The following LBH variants were observed in gnomAD, a reference collection of about 807,000 sequenced individuals.
LBH encodes the protein protein LBH.
Under a neutral mutation model 12.5 loss-of-function variants are expected in LBH, and 7 were observed. That is an observed-to-expected ratio of 0.56 (90% CI 0.32 to 1.05). The LOEUF (loss-of-function observed/expected upper bound fraction) is 1.05, where lower values mean the gene tolerates loss of function less well. LBH is among the 50% of genes least tolerant of loss of function. The pLI is 0.04. For synonymous variants in LBH, 51 were observed against 50.1 expected, an observed-to-expected ratio of 1.02 and a Z score of -0.08; for missense variants, 119 against 138.9, an observed-to-expected ratio of 0.86 and a Z score of 0.72.
chr2:30,236,972 T>C (rs910541632), intron 2 of LBH, among the ~76,000 whole-genome samples: 1 of 152,162 alleles, frequency 6.6e-6, no homozygotes, highest in Non-Finnish European at 1.5e-5. Flanking sequence ...GGTCTGACCA[T>C]TGCGGTGTGA....
At chr2:30,257,348 A>G (rs1572385672) in intron 2 of LBH, 85 bp from the exon 3 acceptor site, 2 of 1,472,680 alleles carry the variant, frequency 1.4e-6, no homozygotes, top group South Asian at 1.2e-5. Context: ...TGCACCCAGT[A>G]TGCCACATGG....
chr2:30,249,387 A>C (rs1677933613), intron 2 of LBH, among the ~76,000 whole-genome samples: 1 of 152,178 alleles, frequency 6.6e-6, no homozygotes, highest in African/African-American at 2.4e-5. Context: ...GCCCATTGTT[A>C]TAAGCCAGCC....
chr2:30,249,865 C>G (rs1159039283), intron 2 of LBH, among the ~76,000 whole-genome samples: 1 of 152,204 alleles, frequency 6.6e-6, no homozygotes, highest in Non-Finnish European at 1.5e-5. Flanking sequence ...CCTGCAAGAT[C>G]AGCATTAGCA....
intron 2 of LBH, among the ~76,000 whole-genome samples, chr2:30,250,310 C>T (rs966794103): frequency 6.6e-6 from 1 of 151,908 alleles, no homozygotes; most frequent in East Asian, 1.9e-4. Context: ...CTCTTTCCAC[C>T]TTTGCAAAAA....
At position 30,258,822 on chromosome 2, in the gene LBH, C is replaced by T. The variant is rs1000608327; in HGVS notation, c.*1201C>T. On this transcript the variant is annotated 3_prime_UTR_variant, in exon 3 of 3. Coordinates refer to ENST00000395323, the MANE Select transcript of LBH (RefSeq NM_030915.4). ...GATCGAGTTTGAGACTAAAGGATGTCATGAGATCCCTGGCTTCTCCCCATG... is the reference window on the plus strand; with the variant it reads ...GATCGAGTTTGAGACTAAAGGATGTTATGAGATCCCTGGCTTCTCCCCATG... 1 of 152,174 alleles carries T rather than the reference C, an allele frequency of 6.6e-6. No homozygotes were observed. Among genetic ancestry groups the T allele is most frequent in the Admixed American group, 6.5e-5 (1 of 15,284 alleles). 9.4% of individuals were successfully genotyped at this position (152,174 alleles called of 1,614,324 possible).
chr2:30,248,861 G>A (rs1054715979), intron 2 of LBH, among the ~76,000 whole-genome samples: 3 of 152,332 alleles, frequency 2.0e-5, no homozygotes, highest in African/African-American at 7.2e-5. Context: ...GAAAGATGGT[G>A]TTTATCCAAA....
intron 2 of LBH, among the ~76,000 whole-genome samples, chr2:30,255,311 T>C (rs548279010): frequency 6.6e-6 from 1 of 152,294 alleles, no homozygotes; most frequent in African/African-American, 2.4e-5. Context: ...GCTCGGCACA[T>C]GCACGTCTGG....
At chr2:30,252,287 G>A (rs11127261) in intron 2 of LBH, among the ~76,000 whole-genome samples, 31,039 of 152,156 alleles carry the variant, frequency 0.2, 4,046 homozygotes, top group Middle Eastern at 0.31. Flanking sequence ...TTGTGAAGAA[G>A]GATGTGTTTG....
At position 30,259,772 on chromosome 2, in the gene LBH, C is replaced by G. The variant is rs1678163917; in HGVS notation, c.*2151C>G. ...CAGCGGTGGAGCCTGCTGGGGGGAC[C>G]CAGCTGCTCTTGGACAAGTGGCTGA... On this transcript the variant is annotated 3_prime_UTR_variant, in exon 3 of 3. Transcript: ENST00000395323. The G allele has an allele frequency of 6.6e-6, 1 of 152,276 alleles. No homozygotes were observed. The highest frequency in any genetic ancestry group is 6.5e-5 in the Admixed American group (1 of 15,270). The allele number at this position is 152,276 out of a possible 1,614,324, so 9.4% of individuals were successfully genotyped here.
rs764823444 is a variant in LBH at position 30,257,574 on chromosome 2, G to A, written c.271G>A (p.Glu91Lys). ...PPEEFLVQED[E>K]QDNCEETAKE... The stretch of plus-strand genomic sequence containing the variant: ...TGAGGAGTTCCTGGTCCAGGAGGAT[G>A]AGCAAGATAACTGCGAAGAGACAGC... Residue 91 changes from glutamate to lysine, a missense_variant, in exon 3 of 3, where the codon GAG becomes AAG. Transcript: ENST00000395323. 6.2e-7 allele frequency: 1 copy of A among 1,614,092 alleles called. No homozygotes were observed. Among genetic ancestry groups the A allele is most frequent in the South Asian group, 1.1e-5 (1 of 91,076 alleles).
At chr2:30,248,122 G>A (rs1441390312) in intron 2 of LBH, among the ~76,000 whole-genome samples, 1 of 151,896 alleles carries the variant, frequency 6.6e-6, no homozygotes, top group East Asian at 1.9e-4. Context: ...TGGTTTCATT[G>A]AAAGGCATAT....
chr2:30,231,907 A>T, intron 1 of LBH, 143 bp downstream of exon 1: 1 of 302,082 alleles, frequency 3.3e-6, no homozygotes, highest in Non-Finnish European at 4.9e-6. Context: ...CCCGTGCAGG[A>T]GTCAACGTCA....
In LBH at chr2:30,239,801, T is replaced by A. The variant is rs72787713; in HGVS notation, c.129+5294T>A. 9.6e-3 allele frequency among the ~76,000 whole-genome samples: 1,466 copies of A among 152,056 alleles called. 14 individuals are homozygous for A. The highest frequency in any genetic ancestry group is 0.014 in the Non-Finnish European group (935 of 67,996). ...TCTGCACATTCTGCCTCTATGTGAG[T>A]CATTGTTCACCTTGTTCAGAGCAAA... On this transcript the variant is annotated intron_variant, in intron 2 of 2. Transcript: ENST00000395323.
chr2:30,256,360 A>T (rs368296878), intron 2 of LBH, among the ~76,000 whole-genome samples: 9 of 152,282 alleles, frequency 5.9e-5, no homozygotes, highest in East Asian at 1.9e-4. Context: ...TTCACAGGTG[A>T]AAAAGGATCC....
intron 2 of LBH, among the ~76,000 whole-genome samples, chr2:30,241,233 AAC>A (rs374720737): frequency 3.9e-5 from 6 of 152,152 alleles, no homozygotes; most frequent in African/African-American, 1.4e-4. Flanking sequence ...CACATCCACT[AAC>A]ACACACACAT....
chr2:30,258,578 G>A lies in LBH; in HGVS notation c.*957G>A, dbSNP rs565097127. On this transcript the variant is annotated 3_prime_UTR_variant, in exon 3 of 3. Transcript: ENST00000395323. ...AGGCTGGCCCTTCCTTCTCCTCACC[G>A]CCACCTTCCCTGCCCCAGCCCCAGC... The A allele has an allele frequency of 2.0e-5, 3 of 153,154 alleles. No homozygotes were observed. Among genetic ancestry groups the A allele is most frequent in the Non-Finnish European group, 2.9e-5 (2 of 68,914 alleles). The allele number at this position is 153,154 out of a possible 1,614,324, so 9.5% of individuals were successfully genotyped here. A position where few individuals can be genotyped will look rare whatever the true frequency, so the allele number is the denominator to read the frequency against.
At chr2:30,239,683 A>G (rs976409528) in intron 2 of LBH, among the ~76,000 whole-genome samples, 1 of 152,110 alleles carries the variant, frequency 6.6e-6, no homozygotes, top group Non-Finnish European at 1.5e-5. Context: ...CTCCTTGACA[A>G]AAATCACAGG....
intron 2 of LBH, among the ~76,000 whole-genome samples, chr2:30,240,307 A>G (rs1165992054): frequency 6.6e-6 from 1 of 152,184 alleles, no homozygotes; most frequent in Non-Finnish European, 1.5e-5. Context: ...GTTGGATAGA[A>G]AGGATGGTAC....
intron 1 of LBH, chr2:30,233,011 C>G (rs982077175): frequency 3.9e-5 from 6 of 152,328 alleles, no homozygotes; most frequent in Non-Finnish European, 7.3e-5. Context: ...GCTTGTGTAC[C>G]CTTCTTGTGG....
Sources: gnomAD v4.1 joint callset for allele counts (sites outside exome capture counted in the v4.1 genomes callset) on GRCh38, gnomAD v4.1.1 for gene constraint, MANE v1.5 for transcripts, NCBI Gene and HGNC (gene_info 2026-07-23, HGNC 2026-07-21) for gene names.